Variants in RCAN1 observed in about 807,000 individuals in gnomAD.
The protein encoded by RCAN1 is regulator of calcineurin 1.
Under a neutral mutation model 22.9 loss-of-function variants are expected in RCAN1, and 11 were observed. The observed-to-expected ratio is 0.48, with a 90% CI of 0.30 to 0.79. The LOEUF (loss-of-function observed/expected upper bound fraction) is 0.79, where lower values mean the gene tolerates loss of function less well. Ranked by LOEUF, RCAN1 falls within the 30% of genes least tolerant of loss-of-function variation. RCAN1 has a pLI of 0.06. For missense variants in RCAN1, 291 were observed against 337.8 expected, an observed-to-expected ratio of 0.86 and a Z score of 1.09; for synonymous variants, 136 against 142.3, an observed-to-expected ratio of 0.96 and a Z score of 0.32.
intron 1 of RCAN1, among the ~76,000 whole-genome samples, chr21:34,574,754 T>G (rs1224819436): frequency 1.3e-5 from 2 of 152,164 alleles, no homozygotes; most frequent in Non-Finnish European, 2.9e-5. Flanking sequence ...AAACACGGAG[T>G]GTCTGTCTGC....
At chr21:34,554,559 C>T (rs187807731) in intron 1 of RCAN1, among the ~76,000 whole-genome samples, 310 of 152,210 alleles carry the variant, frequency 2.0e-3, no homozygotes, top group African/African-American at 7.0e-3. Context: ...TGATCACATG[C>T]GTCTTGGTGT....
At chr21:34,593,688 C>G (rs957035297) in intron 1 of RCAN1, among the ~76,000 whole-genome samples, 1 of 152,106 alleles carries the variant, frequency 6.6e-6, no homozygotes, top group African/African-American at 2.4e-5. Flanking sequence ...GTTGGGAGGT[C>G]GGGCTGAGGC....
chr21:34,607,840 G>A (rs1001909774), intron 1 of RCAN1, among the ~76,000 whole-genome samples: 4 of 152,182 alleles, frequency 2.6e-5, no homozygotes, highest in African/African-American at 9.7e-5. Context: ...GTTAGGAAGC[G>A]GGCCACACAG....
At chr21:34,521,441 G>A (rs558935394) in intron 3 of RCAN1, 58 bp downstream of exon 3, 1 of 1,611,974 alleles carries the variant, frequency 6.2e-7, no homozygotes, top group Admixed American at 1.7e-5. Flanking sequence ...CTGCTCCCTG[G>A]TGCAGGGCAG....
intron 1 of RCAN1, among the ~76,000 whole-genome samples, chr21:34,555,932 G>A (rs1428412706): frequency 1.3e-5 from 2 of 151,656 alleles, no homozygotes; most frequent in Non-Finnish European, 2.9e-5. Flanking sequence ...GCATGGTGGC[G>A]GGTGCCTGTC....
chr21:34,549,573 C>A (rs1218154857), intron 1 of RCAN1, among the ~76,000 whole-genome samples: 1 of 152,108 alleles, frequency 6.6e-6, no homozygotes, highest in Non-Finnish European at 1.5e-5. Flanking sequence ...ACCCTCCAGT[C>A]CAGGCTAAAA....
At chr21:34,563,794 T>TAGAGAGAGAGAGAGAG (rs60116779) in intron 1 of RCAN1, among the ~76,000 whole-genome samples, 1 of 48,728 alleles carries the variant, frequency 2.1e-5, no homozygotes, top group Non-Finnish European at 3.7e-5. Flanking sequence ...TATATATATA[T>TAGAGAGAGAGAGAGAG]AGAGAGAGAG....
chr21:34,580,440 G>C (rs1358542187), intron 1 of RCAN1, among the ~76,000 whole-genome samples: 1 of 152,200 alleles, frequency 6.6e-6, no homozygotes, highest in Non-Finnish European at 1.5e-5. Flanking sequence ...GCCTAGGGTT[G>C]AATGAGTGAG....
intron 1 of RCAN1, among the ~76,000 whole-genome samples, chr21:34,608,888 A>G (rs1439523830): frequency 6.6e-6 from 1 of 152,218 alleles, no homozygotes; most frequent in Non-Finnish European, 1.5e-5. Flanking sequence ...CACACTGCAT[A>G]AGTGGGAAAG....
chr21:34,567,154 A>T (rs758627578), intron 1 of RCAN1, among the ~76,000 whole-genome samples: 1 of 152,046 alleles, frequency 6.6e-6, no homozygotes, highest in Non-Finnish European at 1.5e-5. Flanking sequence ...GTGTAGACAC[A>T]AACAAAATGC....
chr21:34,523,494 G>C, intron 2 of RCAN1, 43 bp downstream of exon 2: 1 of 1,591,250 alleles, frequency 6.3e-7, no homozygotes, highest in African/African-American at 1.3e-5. Flanking sequence ...AAAAGGGAGG[G>C]AGGGAGGAGG....
intron 1 of RCAN1, among the ~76,000 whole-genome samples, chr21:34,544,811 A>G (rs376319328): frequency 6.6e-6 from 1 of 152,294 alleles, no homozygotes; most frequent in East Asian, 1.9e-4. Context: ...AAAGTCACAC[A>G]TGGGACGGGG....
intron 1 of RCAN1, among the ~76,000 whole-genome samples, chr21:34,571,992 T>C (rs186359847): frequency 1.7e-3 from 261 of 152,178 alleles, no homozygotes; most frequent in Admixed American, 3.3e-3. Flanking sequence ...CTGTGGAAAA[T>C]GATCATCCTA....
At chr21:34,591,856 A>G (rs1987983868) in intron 1 of RCAN1, among the ~76,000 whole-genome samples, 1 of 152,194 alleles carries the variant, frequency 6.6e-6, no homozygotes, top group Non-Finnish European at 1.5e-5. Context: ...AGCAAACTAC[A>G]ACATGACCGG....
rs1198153897 is a variant in RCAN1, at chr21:34,518,455, ACT to A, written c.587-201_587-200del. 2.6e-5 allele frequency among the ~76,000 whole-genome samples: 4 copies of A among 152,154 alleles called. No homozygotes were observed. Among genetic ancestry groups the A allele is most frequent in the African/African-American group, 9.7e-5 (4 of 41,424 alleles). ...AAAAGAGAGATTTCCATTGTGCATG[ACT>A]CTGTTTTTAGTCAAACATTCTGGGA... is the stretch of plus-strand genomic sequence containing the variant. On this transcript the variant is annotated intron_variant, in intron 3 of 3. Transcript: ENST00000313806. This position sits in a 1 kb window ranked among gnomAD's most constrained non-coding sequence, Gnocchi z 4.2.
intron 1 of RCAN1, among the ~76,000 whole-genome samples, chr21:34,574,624 C>T (rs1987347976): frequency 6.6e-6 from 1 of 152,204 alleles, no homozygotes; most frequent in East Asian, 1.9e-4. Context: ...ATAAAGCACA[C>T]AATGCGTCAA....
At chr21:34,596,097 G>A (rs866588911) in intron 1 of RCAN1, among the ~76,000 whole-genome samples, 5 of 152,168 alleles carry the variant, frequency 3.3e-5, no homozygotes, top group South Asian at 2.1e-4. Context: ...GTGGACTCAC[G>A]TCCCCATCCC....
In RCAN1 at chr21:34,589,226, T is replaced by C. The variant is rs369381490; in HGVS notation, c.252+25534A>G. On this transcript the variant is annotated intron_variant, in intron 1 of 3. Coordinates refer to ENST00000313806, the MANE Select transcript of RCAN1 (RefSeq NM_004414.7). Reference sequence around the variant, plus strand: ...AAATCAAAGCATAATAAAGATTGTATTCATACTTTGGATCATACAAAGGAT... The same window carrying C: ...AAATCAAAGCATAATAAAGATTGTACTCATACTTTGGATCATACAAAGGAT... Among the ~76,000 whole-genome samples, 4 of 152,202 alleles carry C rather than the reference T, an allele frequency of 2.6e-5. No individual in the cohort carries two copies. The East Asian group carries it at 7.7e-4, about 29-fold the overall frequency.
At chr21:34,588,319 T>C (rs986964024) in intron 1 of RCAN1, among the ~76,000 whole-genome samples, 7 of 152,128 alleles carry the variant, frequency 4.6e-5, no homozygotes, top group African/African-American at 1.4e-4. Context: ...TGGTGAGTAA[T>C]AGCTGGGGAG....
Sources: allele counts gnomAD v4.1 joint callset (sites outside exome capture counted in the v4.1 genomes callset), GRCh38; gene constraint gnomAD v4.1.1; non-coding constraint Gnocchi (gnomAD v3.1); transcripts MANE v1.5; gene names NCBI Gene and HGNC (gene_info 2026-07-23, HGNC 2026-07-21).